NCR3LG1: variants seen among roughly 807,000 people sequenced by gnomAD.
NCR3LG1 encodes natural cytotoxicity triggering receptor 3 ligand 1.
NCR3LG1 carries 35 observed loss-of-function variants against 34.8 expected under a neutral mutation model. The ratio of observed to expected loss-of-function variants is 1.01; its 90% confidence interval spans 0.77 to 1.33. The LOEUF is 1.33. Ranked by LOEUF, NCR3LG1 falls within the 40% of genes most tolerant of loss-of-function variation. The probability of loss-of-function intolerance (pLI) is 0.00; values close to 1 mark genes in which losing one functional copy is unlikely to be tolerated. For synonymous variants in NCR3LG1, 173 were observed against 163.6 expected (o/e 1.06, Z -0.44); for missense variants, 452 against 423.3 (o/e 1.07, Z -0.60).
intron 2 of NCR3LG1, among the ~76,000 whole-genome samples, chr11:17,360,327 C>T (rs888509953): frequency 6.6e-6 from 1 of 152,236 alleles, no homozygotes; most frequent in African/African-American, 2.4e-5. Flanking sequence ...TATTTTCTCA[C>T]AGTCTGTGGC....
chr11:17,358,916 G>A (rs1564855104), intron 2 of NCR3LG1, among the ~76,000 whole-genome samples: 1 of 152,050 alleles, frequency 6.6e-6, no homozygotes, highest in Non-Finnish European at 1.5e-5. Flanking sequence ...GTAAGATTTT[G>A]TTTTGTTTTA....
rs1355259220 is a variant in NCR3LG1, at chr11:17,368,949, G to A, written c.843G>A (p.Leu281=). 6.5e-6 allele frequency: 10 copies of A among 1,532,318 alleles called. No homozygotes were observed. The highest frequency in any genetic ancestry group is 8.7e-6 in the Non-Finnish European group (10 of 1,144,268). The allele number at this position is 1,532,318 out of a possible 1,614,324, so 94.9% of individuals were successfully genotyped here. Residue 281 remains leucine (L), a synonymous_variant, in exon 4 of 5, where the codon TTG becomes TTA. Coordinates refer to ENST00000338965, the MANE Select transcript of NCR3LG1 (RefSeq NM_001202439.3). ...IGVGLVLLIV[L]IPWKKICNKS... ...TTGGACTGGTTTTATTAATTGTTTT[G>A]ATTCCTTGGAAAAAGGTAAGGGGCT...
Position 17,373,097 on chromosome 11 carries a change from A to G in NCR3LG1, c.*585A>G, listed in dbSNP as rs529264281. ...AAATAATTCAATTGAGGGACAGCTA[A>G]TTTTGAAAGACAAGTTTATTACTCA... On this transcript the variant is annotated 3_prime_UTR_variant, in exon 5 of 5. Transcript: ENST00000338965. 1 of 152,244 alleles carries G rather than the reference A, an allele frequency of 6.6e-6. No homozygotes were observed. Among genetic ancestry groups the G allele is most frequent in the Admixed American group, 6.5e-5 (1 of 15,288 alleles). 9.4% of individuals were successfully genotyped at this position (152,244 alleles called of 1,614,324 possible).
intron 2 of NCR3LG1, among the ~76,000 whole-genome samples, chr11:17,357,428 A>G (rs1486750133): frequency 6.6e-6 from 1 of 152,182 alleles, no homozygotes; most frequent in Non-Finnish European, 1.5e-5. Flanking sequence ...CTCTTTAAAG[A>G]ACCTATCTCT....
At chr11:17,361,813 T>C (rs1270424716) in intron 2 of NCR3LG1, among the ~76,000 whole-genome samples, 1 of 152,122 alleles carries the variant, frequency 6.6e-6, no homozygotes, top group African/African-American at 2.4e-5. Context: ...TCCATTATTT[T>C]ATTTTATTTT....
At chr11:17,353,166 T>C (rs1400019303) in intron 1 of NCR3LG1, among the ~76,000 whole-genome samples, 1 of 152,194 alleles carries the variant, frequency 6.6e-6, no homozygotes, top group African/African-American at 2.4e-5. Flanking sequence ...ACAGTGGACA[T>C]ACAATGCAAT....
chr11:17,361,934 C>G (rs1953274169), intron 2 of NCR3LG1, among the ~76,000 whole-genome samples: 1 of 152,252 alleles, frequency 6.6e-6, no homozygotes, highest in Non-Finnish European at 1.5e-5. Flanking sequence ...GTGTGAGCCA[C>G]TGTACCAGGC....
At chr11:17,366,961 A>T (rs1282180500) in intron 2 of NCR3LG1, 48 bp from the exon 3 acceptor site, 3 of 1,394,578 alleles carry the variant, frequency 2.2e-6, no homozygotes, top group Non-Finnish European at 1.9e-6. Context: ...TGTGGTGGGG[A>T]TAAAAGGGTG....
At chr11:17,356,618 T>C in intron 1 of NCR3LG1, 33 bp from the exon 2 acceptor site, 1 of 1,429,376 alleles carries the variant, frequency 7.0e-7, no homozygotes, top group Non-Finnish European at 9.4e-7. Context: ...CATACATTGG[T>C]AAACTGAACA....
Position 17,367,249 on chromosome 11 carries a change from A to T in NCR3LG1, c.662A>T (p.Asp221Val), listed in dbSNP as rs746234322. ...SCLKLNSSQEDPGTVYQCVVR... is the reference protein window; with the variant it reads ...SCLKLNSSQEVPGTVYQCVVR... ...TTGAAGCTGAACTCCTCTCAGGAAG[A>T]CCCTGGGACTGTCTACCAGTGTGTG... Residue 221 changes from aspartate to valine, a missense_variant, in exon 3 of 5, where the codon GAC (aspartate) becomes GTC (valine). Physicochemically the swap from Asp to Val is radical, Grantham distance 152 (BLOSUM62 -3). Coordinates refer to ENST00000338965, the MANE Select transcript of NCR3LG1 (RefSeq NM_001202439.3). 4.6e-6 allele frequency: 7 copies of T among 1,536,108 alleles called. 1 individual carries two copies. The South Asian group carries it at 8.3e-5, about 18-fold the overall frequency.
intron 3 of NCR3LG1, among the ~76,000 whole-genome samples, chr11:17,367,917 C>G (rs1010658020): frequency 6.6e-6 from 1 of 151,592 alleles, no homozygotes; most frequent in African/African-American, 2.4e-5. Context: ...CTCCCGTGTT[C>G]AAGCGATTCT....
At chr11:17,357,418 C>G (rs999980776) in intron 2 of NCR3LG1, among the ~76,000 whole-genome samples, 1 of 152,150 alleles carries the variant, frequency 6.6e-6, no homozygotes, top group Non-Finnish European at 1.5e-5. Flanking sequence ...ACTTAATTAC[C>G]TCTTTAAAGA....
At chr11:17,363,478 G>T (rs1385773430) in intron 2 of NCR3LG1, among the ~76,000 whole-genome samples, 1 of 142,312 alleles carries the variant, frequency 7.0e-6, no homozygotes, top group African/African-American at 2.8e-5. Context: ...TTTTTTTCCT[G>T]TGACTTTTTT....
In NCR3LG1 at chr11:17,354,070, G is replaced by GTTGATA. The variant is rs1953175734; in HGVS notation, c.70+2033_70+2038dup. On this transcript the variant is annotated intron_variant, in intron 1 of 4. Transcript: ENST00000338965. ...TTGTATGAGAATGTCTTTAAAGGTT[G>GTTGATA]TTGATATAGAAAATGTTTTAAAGAA... 1.3e-5 allele frequency among the ~76,000 whole-genome samples: 2 copies of GTTGATA among 152,232 alleles called. 1 individual carries two copies. Among genetic ancestry groups the GTTGATA allele is most frequent in the East Asian group, 3.8e-4 (2 of 5,204 alleles).
chr11:17,358,984 G>C (rs899657882), intron 2 of NCR3LG1, among the ~76,000 whole-genome samples: 1 of 151,956 alleles, frequency 6.6e-6, no homozygotes, highest in Non-Finnish European at 1.5e-5. Context: ...AATTTTGTTT[G>C]ATTTTAAGCA....
At chr11:17,379,598 C>T (rs1250658331), downstream of NCR3LG1, among the ~76,000 whole-genome samples, 5 of 152,176 alleles carry the variant, frequency 3.3e-5, no homozygotes, top group Non-Finnish European at 7.3e-5. Flanking sequence ...ATGAGAGATG[C>T]TGGCTACCAC....
At position 17,351,842 on chromosome 11, in the gene NCR3LG1, G is replaced by C. The variant is rs1176562208; in HGVS notation, c.-128G>C. 9 of 736,718 alleles carry C rather than the reference G, an allele frequency of 1.2e-5. No individual in the cohort carries two copies. Among genetic ancestry groups the C allele is most frequent in the Non-Finnish European group, 1.8e-5 (8 of 445,094 alleles). 45.6% of individuals were successfully genotyped at this position (736,718 alleles called of 1,614,324 possible). A position where few individuals can be genotyped will look rare whatever the true frequency, so the allele number is the denominator to read the frequency against. ...CTGAAGAAGTGGGATGTGCAAAAGC[G>C]CCGGCTGGAAATCCCGGCTGTGTCT... is the stretch of plus-strand genomic sequence containing the variant. On this transcript the variant is annotated 5_prime_UTR_variant, in exon 1 of 5. Transcript: ENST00000338965.
At position 17,356,820 on chromosome 11, in the gene NCR3LG1, A is replaced by AT. The variant is rs938030140; in HGVS notation, c.246dup (p.Gly83TrpfsTer41). 22 of 1,536,102 alleles carry AT rather than the reference A, an allele frequency of 1.4e-5. No individual in the cohort carries two copies. Among genetic ancestry groups the AT allele is most frequent in the East Asian group, 2.4e-5 (1 of 40,914 alleles). Reference sequence around the variant, plus strand: ...TTGACAAAGAAGTCAAAGTCTTTGAATTTTTTGGAGATCACCAAGAGGCAT... The same window carrying AT: ...TTGACAAAGAAGTCAAAGTCTTTGAATTTTTTTGGAGATCACCAAGAGGCAT... On this transcript the variant is annotated frameshift_variant, in exon 2 of 5. Transcript: ENST00000338965. LOFTEE classifies it high-confidence loss of function.
At chr11:17,366,830 C>T (rs1003432389) in intron 2 of NCR3LG1, among the ~76,000 whole-genome samples, 179 bp from the exon 3 acceptor site, 4 of 152,184 alleles carry the variant, frequency 2.6e-5, no homozygotes, top group African/African-American at 9.7e-5. Flanking sequence ...ATCTCCAGCT[C>T]ATTGCTGGAC....
Sources: allele counts gnomAD v4.1 joint callset (sites outside exome capture counted in the v4.1 genomes callset), GRCh38; gene constraint gnomAD v4.1.1; transcripts MANE v1.5; gene names NCBI Gene and HGNC (gene_info 2026-07-23, HGNC 2026-07-21).